The following PRKG2 variants were observed in gnomAD, a reference collection of about 807,000 sequenced individuals.
PRKG2 encodes the protein cGMP-dependent protein kinase 2.
Under a neutral mutation model 97.2 loss-of-function variants are expected in PRKG2, and 33 were observed. The observed-to-expected ratio is 0.34, with a 90% CI of 0.26 to 0.45. The LOEUF (loss-of-function observed/expected upper bound fraction) is 0.45, where lower values mean the gene tolerates loss of function less well. Among genes scored for constraint, PRKG2 ranks in the 20% least tolerant of loss-of-function variants. The pLI is 1.00. For missense variants in PRKG2, 638 were observed against 900.0 expected, an observed-to-expected ratio of 0.71 and a Z score of 3.73; for synonymous variants, 330 against 321.8, an observed-to-expected ratio of 1.03 and a Z score of -0.27.
chr4:81,092,483 A>AGGAAGGAG (rs769433994), intron 17 of PRKG2, 31 bp from the exon 18 acceptor site: 26 of 928,918 alleles, frequency 2.8e-5, no homozygotes, highest in Non-Finnish European at 4.0e-5. Context: ...GAAGGAAGGA[A>AGGAAGGAG]GGAAGGAAGG....
chr4:81,153,917 G>A (rs1748685763), intron 6 of PRKG2, among the ~76,000 whole-genome samples, 196 bp from the exon 7 acceptor site: 1 of 152,160 alleles, frequency 6.6e-6, no homozygotes, highest in Admixed American at 6.5e-5. Context: ...CGCGCACCGT[G>A]CGCGAGCCGA....
At chr4:81,185,600 A>G (rs1360651146) in intron 2 of PRKG2, among the ~76,000 whole-genome samples, 1 of 152,190 alleles carries the variant, frequency 6.6e-6, no homozygotes, top group Non-Finnish European at 1.5e-5. Flanking sequence ...TAGCATCATG[A>G]CTGGATCAAA....
chr4:81,140,479 C>G, intron 12 of PRKG2, 54 bp downstream of exon 12: 1 of 1,424,556 alleles, frequency 7.0e-7, no homozygotes. Context: ...TAAGTAAATA[C>G]ATAAATAAAG....
intron 14 of PRKG2, among the ~76,000 whole-genome samples, chr4:81,121,394 T>G (rs1359503305): frequency 6.6e-6 from 1 of 152,184 alleles, no homozygotes; most frequent in Non-Finnish European, 1.5e-5. Flanking sequence ...TATGTAAATG[T>G]TGACTGGAAT....
At chr4:81,212,377 C>A (rs1029894184) in intron 1 of PRKG2, among the ~76,000 whole-genome samples, 3 of 148,594 alleles carry the variant, frequency 2.0e-5, no homozygotes, top group Admixed American at 6.8e-5. Context: ...TGGGGGGCTA[C>A]ATTAACAGAT....
chr4:81,145,004 T>A (rs1350169770), intron 9 of PRKG2, among the ~76,000 whole-genome samples: 3 of 152,070 alleles, frequency 2.0e-5, no homozygotes, highest in Admixed American at 6.6e-5. Flanking sequence ...ATCCAGTCTA[T>A]CATTGTTGGA....
At position 81,089,820 on chromosome 4, in the gene PRKG2, T is replaced by C. The variant is rs1560524897; in HGVS notation, c.2194-17A>G. 1.3e-6 allele frequency: 2 copies of C among 1,559,468 alleles called. No homozygotes were observed. The highest frequency in any genetic ancestry group is 2.2e-5 in the South Asian group (2 of 89,676). Reference sequence around the variant, plus strand: ...TCCCTTGAGCTAATATAGAAATAATTAAAACAAAAGGAAGAATAATGTTGA... The same window carrying C: ...TCCCTTGAGCTAATATAGAAATAATCAAAACAAAAGGAAGAATAATGTTGA... On this transcript the variant is annotated splice_polypyrimidine_tract_variant and intron_variant, in intron 18 of 18. Transcript: ENST00000264399.
intron 15 of PRKG2, among the ~76,000 whole-genome samples, chr4:81,110,208 C>A (rs1476254247): frequency 6.6e-6 from 1 of 152,148 alleles, no homozygotes; most frequent in Non-Finnish European, 1.5e-5. Flanking sequence ...ATAGGTCTTG[C>A]CACGTTAGGT....
At position 81,171,717 on chromosome 4, in the gene PRKG2, T is replaced by G. The variant is rs755449431; in HGVS notation, c.716A>C (p.Asn239Thr). 1.2e-6 allele frequency: 2 copies of G among 1,609,346 alleles called. No homozygotes were observed. The highest frequency in any genetic ancestry group is 1.7e-6 in the Non-Finnish European group (2 of 1,177,830). The change falls in exon 4 of 19, where the codon AAT (asparagine) becomes ACT (threonine). Residue 239 changes from asparagine (N) to threonine (T), a missense_variant. Asn to Thr is a moderately conservative substitution (Grantham distance 65, BLOSUM62 0). This residue lies in a region of PRKG2 where 332 missense variants were observed against 421.7 expected (regional missense o/e 0.79). Coordinates refer to ENST00000264399, the MANE Select transcript of PRKG2 (RefSeq NM_006259.3). ...TTTCACAGAGGCAGTCCTTGTACAA[T>G]TGTATAAAATGGCAAGCTCCCCAAA... Reference protein sequence around the residue: ...TTFGELAILYNCTRTASVKAI... With the variant: ...TTFGELAILYTCTRTASVKAI...
intron 1 of PRKG2, among the ~76,000 whole-genome samples, chr4:81,214,698 T>G (rs1754185477): frequency 6.6e-6 from 1 of 152,052 alleles, no homozygotes; most frequent in Non-Finnish European, 1.5e-5. Context: ...ACAGAACCTC[T>G]AAACACAAGT....
intron 12 of PRKG2, among the ~76,000 whole-genome samples, chr4:81,138,030 G>C (rs994207259): frequency 2.0e-5 from 3 of 152,188 alleles, no homozygotes; most frequent in Non-Finnish European, 4.4e-5. Flanking sequence ...GGAGGAAGTA[G>C]AATTGGGCTA....
In PRKG2 at chr4:81,174,913, T is replaced by C; in HGVS notation, c.508A>G (p.Lys170Glu). 6.2e-7 allele frequency: 1 copy of C among 1,612,750 alleles called. No individual in the cohort carries two copies. Among genetic ancestry groups the C allele is most frequent in the Admixed American group, 1.7e-5 (1 of 59,974 alleles). Reference protein sequence around the residue: ...TDALNKNQFLKRLDPQQIKDM... With the variant: ...TDALNKNQFLERLDPQQIKDM... ...TTGATCTGCTGAGGATCCAGTCTTT[T>C]CAGAAACTGATTTTTATTAAGGGCA... The change falls in exon 3 of 19, where the codon AAA (lysine) becomes GAA (glutamate). Residue 170 changes from lysine to glutamate, a missense_variant. Lys to Glu is a moderately conservative substitution (Grantham distance 56). Transcript: ENST00000264399.
At chr4:81,179,345 C>T (rs1751208427) in intron 2 of PRKG2, among the ~76,000 whole-genome samples, 1 of 152,180 alleles carries the variant, frequency 6.6e-6, no homozygotes, top group East Asian at 1.9e-4. Context: ...GACTAACTTA[C>T]TCTTCAACAG....
At chr4:81,108,367 T>A (rs1042358628) in intron 15 of PRKG2, among the ~76,000 whole-genome samples, 1 of 152,108 alleles carries the variant, frequency 6.6e-6, no homozygotes, top group African/African-American at 2.4e-5. Flanking sequence ...AACGAGACAG[T>A]CAGTGTACCA....
chr4:81,188,027 C>T (rs9994631), intron 2 of PRKG2, among the ~76,000 whole-genome samples: 34,711 of 152,058 alleles, frequency 0.23, 7,865 homozygotes, highest in African/African-American at 0.58. Flanking sequence ...TAAATGGGAT[C>T]TCATTAAACT....
At chr4:81,096,897 C>T (rs1742168896) in intron 17 of PRKG2, among the ~76,000 whole-genome samples, 1 of 152,146 alleles carries the variant, frequency 6.6e-6, no homozygotes, top group African/African-American at 2.4e-5. Context: ...TTCCAGACTC[C>T]TATTGATGTT....
chr4:81,152,126 A>T, intron 7 of PRKG2, 72 bp from the exon 8 acceptor site: 1 of 1,160,462 alleles, frequency 8.6e-7, no homozygotes, highest in Non-Finnish European at 1.3e-6. Flanking sequence ...CATTCATTCA[A>T]CCAAACCCTC....
chr4:81,101,202 C>A (rs1391358366), intron 17 of PRKG2, among the ~76,000 whole-genome samples: 1 of 151,878 alleles, frequency 6.6e-6, no homozygotes, highest in Non-Finnish European at 1.5e-5. Context: ...TTGACCCAGC[C>A]ATCCCATTAC....
intron 9 of PRKG2, among the ~76,000 whole-genome samples, chr4:81,144,941 C>T (rs1283226529): frequency 6.6e-6 from 1 of 151,934 alleles, no homozygotes; most frequent in Non-Finnish European, 1.5e-5. Context: ...ATGAACTCAT[C>T]ATTTTTTATG....
Sources: allele counts gnomAD v4.1 joint callset (sites outside exome capture counted in the v4.1 genomes callset), GRCh38; gene constraint gnomAD v4.1.1; regional missense constraint gnomAD v4.1.1; transcripts MANE v1.5; gene names NCBI Gene and HGNC (gene_info 2026-07-23, HGNC 2026-07-21).